CYP4X1: variants seen among roughly 807,000 people sequenced by gnomAD.
CYP4X1 encodes the protein cytochrome P450 family 4 subfamily X member 1.
In CYP4X1, 44 loss-of-function variants were observed where a neutral mutation model predicts 57.9. That is an observed-to-expected ratio of 0.76 (90% CI 0.60 to 0.98). The LOEUF (loss-of-function observed/expected upper bound fraction) is 0.98, where lower values mean the gene tolerates loss of function less well. CYP4X1 is among the 50% of genes least tolerant of loss of function. The pLI is 0.00. For missense variants in CYP4X1, 532 were observed against 623.9 expected (o/e 0.85, Z 1.57); for synonymous variants, 227 against 228.6 (o/e 0.99, Z 0.06).
At chr1:46,972,865 A>G in the CYP4X1 span, among the ~76,000 whole-genome samples, 1 of 152,186 alleles carries the variant, frequency 6.6e-6, no homozygotes, top group Non-Finnish European at 1.5e-5. Context: ...GTATAGAATC[A>G]TATAATCTGT....
At chr1:46,983,597 C>T in the CYP4X1 span, among the ~76,000 whole-genome samples, 1 of 152,146 alleles carries the variant, frequency 6.6e-6, no homozygotes, top group African/African-American at 2.4e-5. Flanking sequence ...GTCGGGAAAA[C>T]CTGCCCAGTG....
Position 47,039,418 on chromosome 1 carries a change from C to A in CYP4X1, c.959C>A (p.Thr320Asn). 6.2e-7 allele frequency: 1 copy of A among 1,613,634 alleles called. No homozygotes were observed. The highest frequency in any genetic ancestry group is 8.5e-7 in the Non-Finnish European group (1 of 1,179,784). ...ACATTCCTGTTGGCAGGACATGACA[C>A]CTTGGCAGCAAGCATCTCCTGGATC... ...VSTFLLAGHDTLAASISWILY... is the reference protein window; with the variant it reads ...VSTFLLAGHDNLAASISWILY... Residue 320 changes from threonine (T) to asparagine (N), a missense_variant, in exon 8 of 12, where the codon ACC (threonine) becomes AAC (asparagine). By Grantham distance (65) the Thr-to-Asn change is moderately conservative. Transcript: ENST00000371901.
At chr1:47,001,507 G>A in the CYP4X1 span, among the ~76,000 whole-genome samples, 94 of 152,228 alleles carry the variant, frequency 6.2e-4, 2 homozygotes, top group East Asian at 6.6e-3. Flanking sequence ...GGGCCAAGGC[G>A]GGTATGGGCA....
the CYP4X1 span, among the ~76,000 whole-genome samples, chr1:46,998,948 G>A: frequency 1.3e-5 from 2 of 151,626 alleles, no homozygotes; most frequent in African/African-American, 4.9e-5. Context: ...TTTTGTACAA[G>A]TACCATGTTG....
intron 1 of CYP4X1, among the ~76,000 whole-genome samples, 174 bp downstream of exon 1, chr1:47,024,168 A>C (rs1303274964): frequency 1.3e-5 from 2 of 152,098 alleles, no homozygotes; most frequent in Non-Finnish European, 2.9e-5. Flanking sequence ...TGCTCTGGAG[A>C]ATTGCTTTCC....
rs151115170 is a variant in CYP4X1, at chr1:47,039,486, C to A, written c.1027C>A (p.Arg343=). 6.2e-7 allele frequency: 1 copy of A among 1,612,760 alleles called. No individual in the cohort carries two copies. Among genetic ancestry groups the A allele is most frequent in the South Asian group, 1.1e-5 (1 of 90,920 alleles). Residue 343 remains arginine (R), a synonymous_variant, in exon 8 of 12, where the codon CGG becomes AGG. Transcript: ENST00000371901. ...GAACCCTGAGCATCAAGAGAGATGC[C>A]GGGAGGAGGTCAGGGGCATCCTGGG... ...ALNPEHQERC[R]EEVRGILGDG...
chr1:46,981,112 A>C, the CYP4X1 span, among the ~76,000 whole-genome samples: 2 of 152,224 alleles, frequency 1.3e-5, no homozygotes, highest in Non-Finnish European at 2.9e-5. Flanking sequence ...CAATGGCAAC[A>C]GAAGCCAAAA....
At chr1:47,002,493 C>T in the CYP4X1 span, among the ~76,000 whole-genome samples, 9 of 152,332 alleles carry the variant, frequency 5.9e-5, no homozygotes, top group African/African-American at 2.2e-4. Context: ...TCTGTAAGAA[C>T]AATTTGCTTG....
At chr1:46,988,113 G>C in the CYP4X1 span, among the ~76,000 whole-genome samples, 1 of 151,934 alleles carries the variant, frequency 6.6e-6, no homozygotes, top group Non-Finnish European at 1.5e-5. Flanking sequence ...TTTTTGAAAA[G>C]ATCAACAAAA....
chr1:47,020,049 C>T (rs1472395192), upstream of CYP4X1, among the ~76,000 whole-genome samples: 1 of 152,196 alleles, frequency 6.6e-6, no homozygotes, highest in East Asian at 1.9e-4. Flanking sequence ...ACTGGGCCTA[C>T]CAAGCTCTCA....
the CYP4X1 span, among the ~76,000 whole-genome samples, chr1:46,975,141 C>T: frequency 6.6e-6 from 1 of 151,976 alleles, no homozygotes; most frequent in African/African-American, 2.4e-5. Flanking sequence ...CTTATGCTCT[C>T]ACTTTTAAGT....
chr1:46,999,755 CTT>C, the CYP4X1 span, among the ~76,000 whole-genome samples: 43 of 147,312 alleles, frequency 2.9e-4, no homozygotes, highest in Admixed American at 3.4e-4. Flanking sequence ...AACTCTTTTT[CTT>C]TTTTTTTTTT....
chr1:47,002,172 C>T, the CYP4X1 span, among the ~76,000 whole-genome samples: 1 of 152,328 alleles, frequency 6.6e-6, no homozygotes, highest in African/African-American at 2.4e-5. Flanking sequence ...TTCTGTACAA[C>T]ACATTTTTGT....
At position 47,023,951 on chromosome 1, in the gene CYP4X1, C is replaced by G. The variant is rs1413127105; in HGVS notation, c.134C>G (p.Pro45Arg). 6.2e-7 allele frequency: 1 copy of G among 1,613,324 alleles called. No homozygotes were observed. Among genetic ancestry groups the G allele is most frequent in the East Asian group, 2.2e-5 (1 of 44,876 alleles). The stretch of plus-strand genomic sequence containing the variant: ...CAGCGGCTGCTGCGGGACCTGCGCC[C>G]CTTCCCAGCGCCCCCCACCCACTGG... ...RRQRLLRDLR[P>R]FPAPPTHWFL... Residue 45 changes from proline to arginine, a missense_variant, in exon 1 of 12, where the codon CCC becomes CGC. Physicochemically the swap from Pro to Arg is moderately radical, Grantham distance 103. Coordinates refer to ENST00000371901, the MANE Select transcript of CYP4X1 (RefSeq NM_178033.2).
chr1:46,985,640 C>T, the CYP4X1 span, among the ~76,000 whole-genome samples: 1 of 152,150 alleles, frequency 6.6e-6, no homozygotes, highest in East Asian at 1.9e-4. Context: ...TGGTGGGTGC[C>T]CCTCTGGGAT....
Position 47,036,383 on chromosome 1 carries a change from TATAC to T in CYP4X1, c.775+214_775+217del, listed in dbSNP as rs746534623. 3.4e-5 allele frequency among the ~76,000 whole-genome samples: 5 copies of T among 148,394 alleles called. 1 individual carries two copies. The highest frequency in any genetic ancestry group is 4.5e-5 in the Non-Finnish European group (3 of 67,292). ...TTATCAGAATTTTTATATATATATA[TATAC>T]ACTATTTTTATTATGGACAATTATT... On this transcript the variant is annotated intron_variant, in intron 6 of 11. Coordinates refer to ENST00000371901, the MANE Select transcript of CYP4X1 (RefSeq NM_178033.2).
chr1:46,976,996 A>T, the CYP4X1 span, among the ~76,000 whole-genome samples: 2 of 152,192 alleles, frequency 1.3e-5, no homozygotes, highest in Non-Finnish European at 1.5e-5. Flanking sequence ...CCAAAGGTAG[A>T]TAAAACCACA....
At chr1:47,035,713 A>T in intron 4 of CYP4X1, 93 bp from the exon 5 acceptor site, 1 of 1,518,434 alleles carries the variant, frequency 6.6e-7, no homozygotes, top group South Asian at 1.4e-5. Flanking sequence ...TGTCTCCATT[A>T]GATCATAAAA....
chr1:47,030,274 C>T, intron 2 of CYP4X1, 143 bp downstream of exon 2: 1 of 1,034,932 alleles, frequency 9.7e-7, no homozygotes, highest in Non-Finnish European at 1.4e-6. Context: ...AGGTTTCCTA[C>T]CAATACTGAA....
Sources: allele counts gnomAD v4.1 joint callset (sites outside exome capture counted in the v4.1 genomes callset), GRCh38; gene constraint gnomAD v4.1.1; transcripts MANE v1.5; gene names NCBI Gene and HGNC (gene_info 2026-07-23, HGNC 2026-07-21).